Variants in BZW1 observed in about 807,000 individuals in gnomAD.
BZW1 encodes the protein eIF5-mimic protein 2.
A neutral mutation model predicts 54.1 loss-of-function variants in BZW1; 3 were observed. The observed-to-expected ratio is 0.06, with a 90% CI of 0.03 to 0.14. The LOEUF is 0.14. Ranked by LOEUF, BZW1 falls within the 10% of genes least tolerant of loss-of-function variation. BZW1 has a pLI of 1.00. For synonymous variants in BZW1, 152 were observed against 162.7 expected, an observed-to-expected ratio of 0.93 and a Z score of 0.50; for missense variants, 206 against 491.7, an observed-to-expected ratio of 0.42 and a Z score of 5.50.
At position 200,813,254 on chromosome 2, in the gene BZW1, G is replaced by T; in HGVS notation, c.37G>T (p.Gly13Cys). 1 of 1,613,572 alleles carries T rather than the reference G, an allele frequency of 6.2e-7. No individual in the cohort carries two copies. ...AAAGCAGCAAAAGCCAACGCTATCA[G>T]GCCAGCGTTTTAAAACTAGAAAAAG... ...NQKQQKPTLS[G>C]QRFKTRKRDE... The change falls in exon 2 of 12, where the codon GGC (glycine) becomes TGC (cysteine). Residue 13 changes from glycine (G) to cysteine (C), a missense_variant. By Grantham distance (159) the Gly-to-Cys change is radical (BLOSUM62 -3). Transcript: ENST00000409600.
Position 200,818,910 on chromosome 2 carries a change from A to G in BZW1, c.966+9A>G, listed in dbSNP as rs2105699203. 6.4e-7 allele frequency: 1 copy of G among 1,556,144 alleles called. No individual in the cohort carries two copies. Among genetic ancestry groups the G allele is most frequent in the Non-Finnish European group, 8.6e-7 (1 of 1,157,892 alleles). On this transcript the variant is annotated intron_variant, in intron 9 of 11. Transcript: ENST00000409600. Reference sequence around the variant, plus strand: ...CCATCAAGCACTTGAAGGTATTAGAACTATGCCTTGACAAAACAAACTATT... The same window carrying G: ...CCATCAAGCACTTGAAGGTATTAGAGCTATGCCTTGACAAAACAAACTATT...
At chr2:200,811,807 A>C (rs1261374816), upstream of BZW1, 1 of 160,044 alleles carries the variant, frequency 6.2e-6, no homozygotes, top group African/African-American at 2.4e-5. Flanking sequence ...GCAATAGAAA[A>C]GGCGGAAGCG....
At position 200,822,316 on chromosome 2, in the gene BZW1, A is replaced by G. The variant is rs2038557994; in HGVS notation, c.*138A>G. ...GGCTTTCATGGCAAATTTTATTTTA[A>G]CTGTTTCTATGGTTGCTGGAAATGT... On this transcript the variant is annotated 3_prime_UTR_variant, in exon 12 of 12. Coordinates refer to ENST00000409600, the MANE Select transcript of BZW1 (RefSeq NM_001207067.2). 1 of 674,364 alleles carries G rather than the reference A, an allele frequency of 1.5e-6. No homozygotes were observed. The highest frequency in any genetic ancestry group is 2.9e-5 in the East Asian group (1 of 34,004). The allele number at this position is 674,364 out of a possible 1,614,324, so 41.8% of individuals were successfully genotyped here. A position where few individuals can be genotyped will look rare whatever the true frequency, so the allele number is the denominator to read the frequency against.
rs1327168698 is a variant in BZW1, at chr2:200,826,282, AATT to A, written c.*4108_*4110del. 6.6e-6 allele frequency: 1 copy of A among 151,750 alleles called. No individual in the cohort carries two copies. The highest frequency in any genetic ancestry group is 1.5e-5 in the Non-Finnish European group (1 of 67,974). The allele number at this position is 151,750 out of a possible 1,614,324, so 9.4% of individuals were successfully genotyped here. On this transcript the variant is annotated 3_prime_UTR_variant, in exon 12 of 12. Transcript: ENST00000409600. ...GGCAATTAACAGTCATTTCAAATCTAATTATTTTTATTTTCCAGTGTACTTATC... is the reference window on the plus strand; with the variant it reads ...GGCAATTAACAGTCATTTCAAATCTAATTTTTATTTTCCAGTGTACTTATC...
Position 200,820,092 on chromosome 2 carries a change from C to T in BZW1, c.1077C>T (p.Phe359=), listed in dbSNP as rs1399787479. Residue 359 remains phenylalanine (F), a synonymous_variant, in exon 10 of 12, where the codon TTC becomes TTT. Transcript: ENST00000409600. Reference sequence around the variant, plus strand: ...ACAACATTCATTTCATGAAAGCCTTCCAGAAAATAGTGGTGCTTTTTTATA... The same window carrying T: ...ACAACATTCATTTCATGAAAGCCTTTCAGAAAATAGTGGTGCTTTTTTATA... ...CYDNIHFMKA[F]QKIVVLFYKA... is the part of the protein sequence containing the mutation. 5 of 1,552,644 alleles carry T rather than the reference C, an allele frequency of 3.2e-6. No homozygotes were observed. Among genetic ancestry groups the T allele is most frequent in the Non-Finnish European group, 3.5e-6 (4 of 1,148,536 alleles).
rs1037628461 is a variant in BZW1, at chr2:200,826,393, A to G, written c.*4215A>G. The stretch of plus-strand genomic sequence containing the variant: ...AAGATATAGATAGATAGATAGATAG[A>G]TAGATAGATAGATATTTTTTTTTTT... On this transcript the variant is annotated 3_prime_UTR_variant, in exon 12 of 12. Coordinates refer to ENST00000409600, the MANE Select transcript of BZW1 (RefSeq NM_001207067.2). The G allele has an allele frequency of 1.8e-5, 2 of 113,082 alleles. No homozygotes were observed. The highest frequency in any genetic ancestry group is 1.8e-4 in the Admixed American group (2 of 10,908). 7.0% of individuals were successfully genotyped at this position (113,082 alleles called of 1,614,324 possible). A position where few individuals can be genotyped will look rare whatever the true frequency, so the allele number is the denominator to read the frequency against.
At chr2:200,815,030 ATG>A (rs1473125689) in intron 2 of BZW1, among the ~76,000 whole-genome samples, 1 of 152,236 alleles carries the variant, frequency 6.6e-6, no homozygotes, top group Non-Finnish European at 1.5e-5. Flanking sequence ...AAGGAATAAA[ATG>A]TACCTGTTAG....
intron 7 of BZW1, 53 bp downstream of exon 7, chr2:200,818,136 A>C: frequency 6.6e-7 from 1 of 1,513,010 alleles, no homozygotes; most frequent in Non-Finnish European, 8.9e-7. Flanking sequence ...TAAATGAGAG[A>C]AATTTCTCAT....
At chr2:200,813,185 A>C in intron 1 of BZW1, 23 bp from the exon 2 acceptor site, 7 of 1,596,750 alleles carry the variant, frequency 4.4e-6, no homozygotes, top group Non-Finnish European at 5.1e-6. Context: ...ACTGATATTA[A>C]GGCTTTATTT....
Position 200,817,605 on chromosome 2 carries a change from A to G in BZW1, c.538+364A>G, listed in dbSNP as rs191066589. Among the ~76,000 whole-genome samples, 1,033 of 151,992 alleles carry G rather than the reference A, an allele frequency of 6.8e-3. 39 individuals carry two copies. Among genetic ancestry groups the G allele is most frequent in the Admixed American group, 0.063 (961 of 15,252 alleles). On this transcript the variant is annotated intron_variant, in intron 6 of 11. Transcript: ENST00000409600. ...AAAATCAGTTCCCTGTTTGGCTCCA[A>G]TTGTCGGATTATTCTCTACAGTAAT...
rs2105866377 is a variant in BZW1 at position 200,815,375 on chromosome 2, A to G, written c.99A>G (p.Gln33=). 6.2e-7 allele frequency: 1 copy of G among 1,613,782 alleles called. No homozygotes were observed. The highest frequency in any genetic ancestry group is 1.1e-5 in the South Asian group (1 of 91,034). The change falls in exon 3 of 12, where the codon CAA becomes CAG. Residue 33 remains glutamine (Q), a synonymous_variant. Coordinates refer to ENST00000409600, the MANE Select transcript of BZW1 (RefSeq NM_001207067.2). ...AGAGGTTTGACCCTACTCAGTTTCA[A>G]GACTGTATTATTCAAGGCTTAACTG... ...EKERFDPTQF[Q]DCIIQGLTET... is the part of the protein sequence containing the mutation.
At chr2:200,820,189 T>G in intron 10 of BZW1, 69 bp downstream of exon 10, 1 of 1,317,766 alleles carries the variant, frequency 7.6e-7, no homozygotes, top group Non-Finnish European at 1.0e-6. Flanking sequence ...ATTATCCAAA[T>G]GATGAGTTAT....
At chr2:200,815,603 G>T (rs2038259762) in intron 3 of BZW1, 64 bp from the exon 4 acceptor site, 2 of 1,591,240 alleles carry the variant, frequency 1.3e-6, no homozygotes, top group Non-Finnish European at 1.7e-6. Context: ...GAACTATTTG[G>T]CAAACTTGTT....
At chr2:200,821,384 T>C in intron 11 of BZW1, 79 bp downstream of exon 11, 1 of 1,538,760 alleles carries the variant, frequency 6.5e-7, no homozygotes, top group South Asian at 1.2e-5. Context: ...ACATGCTTCC[T>C]TCTTTCTGAT....
chr2:200,819,756 G>A (rs865899976), intron 9 of BZW1, among the ~76,000 whole-genome samples: 1 of 151,926 alleles, frequency 6.6e-6, no homozygotes, highest in Non-Finnish European at 1.5e-5. Context: ...GGCTGGTCTC[G>A]AACTCCTGAC....
Position 200,825,978 on chromosome 2 carries a change from C to A in BZW1, c.*3800C>A, listed in dbSNP as rs1168688761. The A allele has an allele frequency of 6.6e-6, 1 of 152,134 alleles. No homozygotes were observed. Among genetic ancestry groups the A allele is most frequent in the Non-Finnish European group, 1.5e-5 (1 of 68,028 alleles). The allele number at this position is 152,134 out of a possible 1,614,324, so 9.4% of individuals were successfully genotyped here. On this transcript the variant is annotated 3_prime_UTR_variant, in exon 12 of 12. Coordinates refer to ENST00000409600, the MANE Select transcript of BZW1 (RefSeq NM_001207067.2). ...TGATTTTTCATGCTCAGTATTAGTC[C>A]TCTAGTATCAATACGAAGTTTTTCT...
intron 10 of BZW1, 141 bp downstream of exon 10, chr2:200,820,261 G>T (rs1238446700): frequency 1.1e-5 from 7 of 661,550 alleles, no homozygotes; most frequent in African/African-American, 5.6e-5. Flanking sequence ...ATTAAATTGG[G>T]TGCTTTTTAG....
intron 11 of BZW1, 78 bp from the exon 12 acceptor site, chr2:200,822,069 A>T (rs2038544050): frequency 2.2e-6 from 3 of 1,368,848 alleles, no homozygotes; most frequent in Admixed American, 2.0e-5. Flanking sequence ...ACTCTGTCTT[A>T]AAGAAGCTTC....
At chr2:200,811,597 C>T, upstream of BZW1, 1 of 152,262 alleles carries the variant, frequency 6.6e-6, no homozygotes, top group Non-Finnish European at 1.5e-5. Context: ...CAGGAGGACG[C>T]GTCCAACTTC....
Sources: gnomAD v4.1 joint callset for allele counts (sites outside exome capture counted in the v4.1 genomes callset) on GRCh38, gnomAD v4.1.1 for gene constraint, MANE v1.5 for transcripts, NCBI Gene and HGNC (gene_info 2026-07-23, HGNC 2026-07-21) for gene names.